The following ASB7 variants were observed in gnomAD, a reference collection of about 807,000 sequenced individuals.
ASB7 encodes ankyrin repeat and SOCS box protein 7.
ASB7 carries 4 observed loss-of-function variants against 32.5 expected under a neutral mutation model. The ratio of observed to expected loss-of-function variants is 0.12; its 90% CI spans 0.06 to 0.28. The LOEUF (loss-of-function observed/expected upper bound fraction) is 0.28. ASB7 is among the 10% of genes least tolerant of loss of function. The pLI, the probability that ASB7 is intolerant of heterozygous loss-of-function variation, is 1.00. For missense variants in ASB7, 181 were observed against 407.1 expected (o/e 0.44, Z 4.78); for synonymous variants, 172 against 155.6 (o/e 1.11, Z -0.78).
At chr15:100,615,949 GTGTTACATTA>G (rs2039739490) in intron 4 of ASB7, among the ~76,000 whole-genome samples, 1 of 152,230 alleles carries the variant, frequency 6.6e-6, no homozygotes, top group African/African-American at 2.4e-5. Context: ...TTGAATGATC[GTGTTACATTA>G]TGTGAGAGTT....
chr15:100,634,894 TG>T (rs1278701584), intron 5 of ASB7, among the ~76,000 whole-genome samples: 1 of 152,120 alleles, frequency 6.6e-6, no homozygotes, highest in African/African-American at 2.4e-5. Context: ...CACAGTCCAG[TG>T]GAAGGTAAGA....
intron 4 of ASB7, among the ~76,000 whole-genome samples, chr15:100,628,307 A>G (rs762283131): frequency 2.0e-5 from 3 of 152,210 alleles, no homozygotes; most frequent in Non-Finnish European, 4.4e-5. Context: ...TAAGAGAACC[A>G]TTTGTCATAA....
At chr15:100,624,378 G>A (rs749022744) in intron 4 of ASB7, among the ~76,000 whole-genome samples, 6 of 152,146 alleles carry the variant, frequency 3.9e-5, no homozygotes, top group African/African-American at 7.2e-5. Context: ...TGACTTGATC[G>A]TTACACATTC....
At position 100,629,313 on chromosome 15, in the gene ASB7, T is replaced by C. The variant is rs564537835; in HGVS notation, c.212-124T>C. 3.6e-6 allele frequency: 3 copies of C among 844,598 alleles called. No homozygotes were observed. The highest frequency in any genetic ancestry group is 3.4e-5 in the African/African-American group (2 of 58,838). The allele number at this position is 844,598 out of a possible 1,614,324, so 52.3% of individuals were successfully genotyped here. On this transcript the variant is annotated intron_variant, in intron 4 of 5. Transcript: ENST00000332783. This position sits in a 1 kb window ranked among gnomAD's most constrained non-coding sequence, Gnocchi z 6.8. Reference sequence around the variant, plus strand: ...AAACTGAGGAAAAACGTACTTGATATTCATTACAGTGTTTGGTTGCTTCAC... The same window carrying C: ...AAACTGAGGAAAAACGTACTTGATACTCATTACAGTGTTTGGTTGCTTCAC...
chr15:100,626,871 A>G (rs894430282), intron 4 of ASB7, among the ~76,000 whole-genome samples: 2 of 152,234 alleles, frequency 1.3e-5, no homozygotes, highest in African/African-American at 4.8e-5. Flanking sequence ...ATATGATTCT[A>G]TTAATATGAA....
intron 5 of ASB7, among the ~76,000 whole-genome samples, chr15:100,647,642 G>T (rs913993009): frequency 1.3e-5 from 2 of 152,160 alleles, no homozygotes; most frequent in Non-Finnish European, 2.9e-5. Flanking sequence ...AGCTTGAAGC[G>T]ATGTAGATTC....
rs1241002244 is a variant in ASB7, at chr15:100,603,023, G to C, written c.-296G>C. On this transcript the variant is annotated 5_prime_UTR_variant, in exon 1 of 6. Transcript: ENST00000332783. Reference sequence around the variant, plus strand: ...GTGTAGAGGAGGCTGAAAGGAGGAAGAGAAGCAGCAGCTGAGGAGACAGGT... The same window carrying C: ...GTGTAGAGGAGGCTGAAAGGAGGAACAGAAGCAGCAGCTGAGGAGACAGGT... The C allele has an allele frequency of 2.5e-6, 1 of 399,214 alleles. No individual in the cohort carries two copies. Among genetic ancestry groups the C allele is most frequent in the African/African-American group, 2.1e-5 (1 of 48,642 alleles). The allele number at this position is 399,214 out of a possible 1,614,324, so 24.7% of individuals were successfully genotyped here.
chr15:100,611,243 G>A (rs1445746854), intron 3 of ASB7, among the ~76,000 whole-genome samples: 3 of 152,054 alleles, frequency 2.0e-5, no homozygotes, highest in East Asian at 1.9e-4. Context: ...TGTAGAGACA[G>A]GGTCTCACTG....
chr15:100,643,585 G>T (rs1450758370), intron 5 of ASB7, among the ~76,000 whole-genome samples: 5 of 150,186 alleles, frequency 3.3e-5, no homozygotes, highest in African/African-American at 4.9e-5. Context: ...TGCCTCCTGG[G>T]TTCAAGTGAT....
At chr15:100,627,949 C>T (rs1317532130) in intron 4 of ASB7, among the ~76,000 whole-genome samples, 1 of 152,148 alleles carries the variant, frequency 6.6e-6, no homozygotes, top group Non-Finnish European at 1.5e-5. Context: ...CAGTATCTGC[C>T]CGGTGGAAAC....
At chr15:100,608,886 C>T (rs1456524812) in intron 2 of ASB7, among the ~76,000 whole-genome samples, 2 of 152,110 alleles carry the variant, frequency 1.3e-5, no homozygotes, top group Non-Finnish European at 2.9e-5. Context: ...ACAACTGCTG[C>T]GGGCCAGGTT....
intron 5 of ASB7, among the ~76,000 whole-genome samples, chr15:100,641,745 C>T (rs1045116258): frequency 2.0e-5 from 3 of 152,234 alleles, no homozygotes; most frequent in African/African-American, 7.2e-5. Context: ...GAGGGGCCCT[C>T]TACTTTTTTG....
chr15:100,632,964 C>T (rs1382101367), intron 5 of ASB7, among the ~76,000 whole-genome samples: 1 of 151,722 alleles, frequency 6.6e-6, no homozygotes, highest in African/African-American at 2.4e-5. Flanking sequence ...GCTGCTGTTG[C>T]TGTTCCCTAC....
chr15:100,611,241 C>G (rs916149809), intron 3 of ASB7, among the ~76,000 whole-genome samples: 1 of 151,994 alleles, frequency 6.6e-6, no homozygotes, highest in Non-Finnish European at 1.5e-5. Context: ...TTTGTAGAGA[C>G]AGGGTCTCAC....
chr15:100,607,324 T>C (rs1311016863), intron 2 of ASB7, among the ~76,000 whole-genome samples: 1 of 152,198 alleles, frequency 6.6e-6, no homozygotes, highest in Non-Finnish European at 1.5e-5. Context: ...CCACTAGATA[T>C]TGTGTTTGCT....
chr15:100,627,359 A>C (rs962973756), intron 4 of ASB7, among the ~76,000 whole-genome samples: 8 of 152,316 alleles, frequency 5.3e-5, no homozygotes, highest in African/African-American at 1.9e-4. Context: ...AGTTCACTTA[A>C]TGTTTTCACG....
chr15:100,612,233 G>T lies in ASB7; in HGVS notation c.17G>T (p.Cys6Phe). The change falls in exon 4 of 6, where the codon TGT becomes TTT. Residue 6 changes from cysteine (C) to phenylalanine (F), a missense_variant. Coordinates refer to ENST00000332783, the MANE Select transcript of ASB7 (RefSeq NM_198243.3). ...TCAGCTAGGATGTTACACCATCATT[G>T]TCGAAGGAACCCTGAGCTCCAGGAA... MLHHH[C>F]RRNPELQEEL... 1 of 1,613,810 alleles carries T rather than the reference G, an allele frequency of 6.2e-7. No individual in the cohort carries two copies. Among genetic ancestry groups the T allele is most frequent in the Non-Finnish European group, 8.5e-7 (1 of 1,179,776 alleles).
chr15:100,634,559 T>G (rs2039908213), intron 5 of ASB7, among the ~76,000 whole-genome samples: 1 of 152,180 alleles, frequency 6.6e-6, no homozygotes, highest in South Asian at 2.1e-4. Context: ...ATCCCAGCAC[T>G]TTGGGAGGCC....
At chr15:100,632,878 C>T (rs189096351) in intron 5 of ASB7, among the ~76,000 whole-genome samples, 50 of 150,088 alleles carry the variant, frequency 3.3e-4, no homozygotes, top group Admixed American at 1.4e-3. Flanking sequence ...AAAAACAGAG[C>T]GCACCCGTGG....
Sources: allele counts gnomAD v4.1 joint callset (sites outside exome capture counted in the v4.1 genomes callset), GRCh38; gene constraint gnomAD v4.1.1; non-coding constraint Gnocchi (gnomAD v3.1); transcripts MANE v1.5; gene names NCBI Gene and HGNC (gene_info 2026-07-23, HGNC 2026-07-21).